Variants in IQGAP1 observed in about 807,000 individuals in gnomAD.
IQGAP1 encodes the protein ras GTPase-activating-like protein IQGAP1.
A neutral mutation model predicts 215.6 loss-of-function variants in IQGAP1; 66 were observed. The observed-to-expected ratio is 0.31, with a 90% CI of 0.25 to 0.38. The LOEUF is 0.38. IQGAP1 is among the 10% of genes least tolerant of loss of function. The pLI, the probability that IQGAP1 is intolerant of heterozygous loss-of-function variation, is 1.00. For missense variants in IQGAP1, 1,712 were observed against 1,997.1 expected, an observed-to-expected ratio of 0.86 and a Z score of 2.72; for synonymous variants, 772 against 728.7, an observed-to-expected ratio of 1.06 and a Z score of -0.96.
intron 23 of IQGAP1, among the ~76,000 whole-genome samples, chr15:90,475,469 G>A (rs1965966029): frequency 6.6e-6 from 1 of 152,026 alleles, no homozygotes; most frequent in South Asian, 2.1e-4. Flanking sequence ...ATGTAAGACA[G>A]GTCAGGCATG....
At chr15:90,459,809 T>C (rs1965736297) in intron 15 of IQGAP1, among the ~76,000 whole-genome samples, 1 of 152,226 alleles carries the variant, frequency 6.6e-6, no homozygotes, top group Non-Finnish European at 1.5e-5. Flanking sequence ...GAGTTACAAA[T>C]TTAGAGAGCA....
chr15:90,390,756 CTTTCT>C lies in IQGAP1; in HGVS notation c.56-14_56-10del. 1 of 1,538,592 alleles carries C rather than the reference CTTTCT, an allele frequency of 6.5e-7. No individual in the cohort carries two copies. Among genetic ancestry groups the C allele is most frequent in the Admixed American group, 1.7e-5 (1 of 59,680 alleles). On this transcript the variant is annotated splice_polypyrimidine_tract_variant and intron_variant, in intron 1 of 37. Transcript: ENST00000268182. ...GGCTACAGATCCTGGTGTTTACATT[CTTTCT>C]TTTATGTTGTAGCTGTCCTGGATAA...
At chr15:90,390,030 T>C (rs1037832370) in intron 1 of IQGAP1, among the ~76,000 whole-genome samples, 30 of 149,262 alleles carry the variant, frequency 2.0e-4, no homozygotes, top group African/African-American at 6.9e-4. Flanking sequence ...TAAACAAAGG[T>C]ATTGAAAGTA....
rs775881736 is a variant in IQGAP1, at chr15:90,452,937, A to T, written c.1325A>T (p.Glu442Val). 5 of 1,613,656 alleles carry T rather than the reference A, an allele frequency of 3.1e-6. No homozygotes were observed. Among genetic ancestry groups the T allele is most frequent in the Middle Eastern group, 1.7e-4 (1 of 6,024 alleles). The change falls in exon 12 of 38, where the codon GAA becomes GTA. Residue 442 changes from glutamate to valine, a missense_variant and splice_region_variant. By Grantham distance (121) the Glu-to-Val change is moderately radical. Coordinates refer to ENST00000268182, the MANE Select transcript of IQGAP1 (RefSeq NM_003870.4). ...ELATLQRQSP[E>V]HNLTHPELSV... The stretch of plus-strand genomic sequence containing the variant: ...GCTACCCTGCAGCGACAAAGTCCTG[A>T]AGTGAGTTCACTAAACCTGTCCTGT...
chr15:90,397,830 T>G (rs1187937972), intron 2 of IQGAP1: 1 of 150,444 alleles, frequency 6.6e-6, no homozygotes, highest in African/African-American at 2.4e-5. Flanking sequence ...CTCAATAAAC[T>G]TTTATCCAAG....
intron 33 of IQGAP1, among the ~76,000 whole-genome samples, chr15:90,490,627 G>A (rs1294388693): frequency 6.6e-6 from 1 of 152,100 alleles, no homozygotes; most frequent in East Asian, 1.9e-4. Flanking sequence ...TGGTCTTGTT[G>A]TATTAGTATA....
Position 90,428,633 on chromosome 15 carries a change from A to G in IQGAP1, c.313-956A>G, listed in dbSNP as rs555749587. ...CCGCTCTACAAAAAATAGAAAAACA[A>G]TTAGATGGGCATGGTGACATGCACT... On this transcript the variant is annotated intron_variant, in intron 3 of 37. Coordinates refer to ENST00000268182, the MANE Select transcript of IQGAP1 (RefSeq NM_003870.4). Among the ~76,000 whole-genome samples the G allele has an allele frequency of 1.1e-3, 160 of 152,098 alleles. 1 individual carries two copies. The highest frequency in any genetic ancestry group is 1.8e-3 in the Non-Finnish European group (125 of 67,988).
chr15:90,399,797 A>G (rs1261344358), intron 2 of IQGAP1, among the ~76,000 whole-genome samples: 2 of 152,156 alleles, frequency 1.3e-5, no homozygotes, highest in East Asian at 3.8e-4. Flanking sequence ...ACAGGCCTCT[A>G]ATATCCTTTA....
intron 22 of IQGAP1, 49 bp from the exon 23 acceptor site, chr15:90,474,436 G>T: frequency 7.3e-7 from 1 of 1,362,860 alleles, no homozygotes; most frequent in Non-Finnish European, 1.1e-6. Context: ...TTCCTGAGAC[G>T]TAGTACTTTT....
intron 6 of IQGAP1, among the ~76,000 whole-genome samples, chr15:90,439,608 T>C: frequency 6.6e-6 from 1 of 152,354 alleles, no homozygotes; most frequent in East Asian, 1.9e-4. Flanking sequence ...AATGTGAACA[T>C]GATTAGTGAG....
At chr15:90,426,813 C>T (rs988255497) in intron 3 of IQGAP1, among the ~76,000 whole-genome samples, 15 of 151,796 alleles carry the variant, frequency 9.9e-5, no homozygotes, top group Middle Eastern at 3.4e-3. Context: ...ATTAGCCGGG[C>T]GTGGTGGTGC....
chr15:90,456,082 G>A lies in IQGAP1; in HGVS notation c.1613-70G>A. 2.3e-6 allele frequency: 3 copies of A among 1,333,062 alleles called. 1 individual carries two copies. The highest frequency in any genetic ancestry group is 2.6e-5 in the South Asian group (2 of 77,760). The allele number at this position is 1,333,062 out of a possible 1,614,324, so 82.6% of individuals were successfully genotyped here. On this transcript the variant is annotated intron_variant, in intron 14 of 37. Transcript: ENST00000268182. The stretch of plus-strand genomic sequence containing the variant: ...AGGTGGATTTATGATTAGTTAGCAT[G>A]TTCCATGATTGATTTGTTTATGTAC...
intron 2 of IQGAP1, among the ~76,000 whole-genome samples, chr15:90,411,544 A>G (rs1964966138): frequency 6.6e-6 from 1 of 152,184 alleles, no homozygotes; most frequent in African/African-American, 2.4e-5. Context: ...ATATGGCTCT[A>G]GCAGAGGATT....
At chr15:90,450,417 A>C (rs1407064117) in intron 11 of IQGAP1, among the ~76,000 whole-genome samples, 1 of 135,266 alleles carries the variant, frequency 7.4e-6, no homozygotes, top group Non-Finnish European at 1.5e-5. Context: ...GGCTATTGTG[A>C]ATACAGCTGC....
At chr15:90,450,572 A>T (rs1050253481) in intron 11 of IQGAP1, among the ~76,000 whole-genome samples, 2 of 151,626 alleles carry the variant, frequency 1.3e-5, no homozygotes, top group Non-Finnish European at 2.9e-5. Context: ...ATTCCCATCA[A>T]CAGTGTATGA....
chr15:90,473,383 G>C (rs1222778331), intron 19 of IQGAP1, among the ~76,000 whole-genome samples: 2 of 152,148 alleles, frequency 1.3e-5, no homozygotes, highest in Non-Finnish European at 2.9e-5. Context: ...GAATCTCCAA[G>C]TCTTTGTCCC....
At chr15:90,441,834 A>C (rs935869216) in intron 8 of IQGAP1, 150 bp downstream of exon 8, 1 of 651,674 alleles carries the variant, frequency 1.5e-6, no homozygotes, top group African/African-American at 1.8e-5. Flanking sequence ...TTTGAAAAGT[A>C]TATGTGATCA....
chr15:90,429,777 T>G, intron 4 of IQGAP1, 111 bp downstream of exon 4: 1 of 616,934 alleles, frequency 1.6e-6, no homozygotes. Flanking sequence ...CTTTGGTGTT[T>G]TTTTAAATAC....
chr15:90,430,316 T>C lies in IQGAP1; in HGVS notation c.390+650T>C, dbSNP rs145866179. Among the ~76,000 whole-genome samples the C allele has an allele frequency of 2.5e-3, 383 of 152,344 alleles. 4 individuals are homozygous for C. In the East Asian group the frequency reaches 0.037, roughly 15 times the overall value. The stretch of plus-strand genomic sequence containing the variant: ...TGAATGGATTGATTGATTTCATTCT[T>C]TCTTTTGTTCTCATTTTTTTCTGTT... On this transcript the variant is annotated intron_variant, in intron 4 of 37. Coordinates refer to ENST00000268182, the MANE Select transcript of IQGAP1 (RefSeq NM_003870.4).
Sources: gnomAD v4.1 joint callset for allele counts (sites outside exome capture counted in the v4.1 genomes callset) on GRCh38, gnomAD v4.1.1 for gene constraint, MANE v1.5 for transcripts, NCBI Gene and HGNC (gene_info 2026-07-23, HGNC 2026-07-21) for gene names.